The following AKAP17A variants were observed in gnomAD, a reference collection of about 807,000 sequenced individuals.
The protein encoded by AKAP17A is A-kinase anchoring protein 17A, also known as A-kinase anchor protein 17A.
In AKAP17A, 15 loss-of-function variants were observed where a neutral mutation model predicts 52.2. That is an observed-to-expected ratio of 0.29 (90% confidence interval 0.19 to 0.44). The LOEUF is 0.44. AKAP17A is among the 20% of genes least tolerant of loss of function. The pLI is 1.00. For synonymous variants in AKAP17A, 514 were observed against 424.7 expected, an observed-to-expected ratio of 1.21 and a Z score of -2.58; for missense variants, 1,060 against 1,007.0, an observed-to-expected ratio of 1.05 and a Z score of -0.71.
At chrX:1,597,693 C>T (rs1255000345) in intron 3 of AKAP17A, among the ~76,000 whole-genome samples, 2 of 152,084 alleles carry the variant, frequency 1.3e-5, no homozygotes, top group Non-Finnish European at 2.9e-5. Flanking sequence ...TTTCAGAAAG[C>T]AGCTTGCGGG....
In AKAP17A at chrX:1,593,648, C is replaced by T; in HGVS notation, c.186C>T (p.His62=). 6.2e-7 allele frequency: 1 copy of T among 1,613,926 alleles called. No homozygotes were observed. The highest frequency in any genetic ancestry group is 2.2e-5 in the East Asian group (1 of 44,882). ...GGCTGAAGGGCATGGTGCAGAACCA[C>T]CAGTTCTCCACGCTGCGTATTTCCA... The part of the protein sequence containing the change: ...MERLKGMVQN[H]QFSTLRISKS... The change falls in exon 2 of 5, where the codon CAC becomes CAT. Residue 62 remains histidine (H), a synonymous_variant. Transcript: ENST00000313871.
At position 1,602,353 on chromosome X, in the gene AKAP17A, A is replaced by G. The variant is rs1933436048; in HGVS notation, c.*759A>G. 6.6e-6 allele frequency: 1 copy of G among 152,168 alleles called. No individual in the cohort carries two copies. The highest frequency in any genetic ancestry group is 2.4e-5 in the African/African-American group (1 of 41,428). 9.4% of individuals were successfully genotyped at this position (152,168 alleles called of 1,614,324 possible). A position where few individuals can be genotyped will look rare whatever the true frequency, so the allele number is the denominator to read the frequency against. ...TTTTGCTAAATTATTTTTACTTGGA[A>G]TGTTTCAAACAGATTTCAGGCTGCA... On this transcript the variant is annotated 3_prime_UTR_variant, in exon 5 of 5. Transcript: ENST00000313871.
chrX:1,600,023 A>C, intron 4 of AKAP17A: 1 of 584,554 alleles, frequency 1.7e-6, no homozygotes, highest in Non-Finnish European at 2.9e-6. Flanking sequence ...CAGGGCCCAC[A>C]GACAGACAGA....
intron 3 of AKAP17A, among the ~76,000 whole-genome samples, chrX:1,598,278 G>C (rs1444779768): frequency 6.6e-6 from 1 of 152,092 alleles, no homozygotes; most frequent in Non-Finnish European, 1.5e-5. Context: ...GTGGATCACT[G>C]TCTGGGCGTC....
chrX:1,597,507 A>T (rs28394469), intron 3 of AKAP17A, among the ~76,000 whole-genome samples: 1 of 151,930 alleles, frequency 6.6e-6, no homozygotes, highest in South Asian at 2.1e-4. Context: ...TGTGTCAGCC[A>T]CTGTCAGGCC....
rs28548708 is a variant in AKAP17A at position 1,599,041 on chromosome X, T to G, written c.912-151T>G. 0.026 allele frequency: 32,697 copies of G among 1,248,850 alleles called. 3,326 individuals carry two copies. The African/African-American group carries it at 0.28, about 11-fold the overall frequency. The allele number at this position is 1,248,850 out of a possible 1,614,324, so 77.4% of individuals were successfully genotyped here. The stretch of plus-strand genomic sequence containing the variant: ...ACTCCTTCCACCTCTCGGGCTGCTT[T>G]GAGTCAACCGAGGTCCACCTTGGGA... On this transcript the variant is annotated intron_variant, in intron 3 of 4. Coordinates refer to ENST00000313871, the MANE Select transcript of AKAP17A (RefSeq NM_005088.3).
In AKAP17A at chrX:1,600,841, G is replaced by C. The variant is rs1933324358; in HGVS notation, c.1335G>C (p.Lys445Asn). Residue 445 changes from lysine (K) to asparagine (N), a missense_variant, in exon 5 of 5, where the codon AAG (lysine) becomes AAC (asparagine). By Grantham distance (94) the Lys-to-Asn change is moderately conservative. Transcript: ENST00000313871. ...GGCTGCTGAGCATCCTGCTGAGCAAGAAGCCGGACGACAGCCACACACACG... is the reference window on the plus strand; with the variant it reads ...GGCTGCTGAGCATCCTGCTGAGCAACAAGCCGGACGACAGCCACACACACG... ...RERLLSILLSKKPDDSHTHDE... is the reference protein window; with the variant it reads ...RERLLSILLSNKPDDSHTHDE... 1 of 1,591,672 alleles carries C rather than the reference G, an allele frequency of 6.3e-7. No homozygotes were observed. The highest frequency in any genetic ancestry group is 8.5e-7 in the Non-Finnish European group (1 of 1,173,462).
rs368659501 is a variant in AKAP17A at position 1,593,940 on chromosome X, G to T, written c.478G>T (p.Ala160Ser). The change falls in exon 2 of 5, where the codon GCC becomes TCC. Residue 160 changes from alanine to serine, a missense_variant. By Grantham distance (99) the Ala-to-Ser change is moderately conservative (BLOSUM62 1). Coordinates refer to ENST00000313871, the MANE Select transcript of AKAP17A (RefSeq NM_005088.3). ...HLEGLPCKWF[A>S]LKESGSEKPS... Reference sequence around the variant, plus strand: ...GGAGGGGCTGCCCTGCAAGTGGTTCGCCCTGAAGGAGTCGGGCTCCGAGAA... The same window carrying T: ...GGAGGGGCTGCCCTGCAAGTGGTTCTCCCTGAAGGAGTCGGGCTCCGAGAA... 5 of 1,608,076 alleles carry T rather than the reference G, an allele frequency of 3.1e-6. No individual in the cohort carries two copies. The highest frequency in any genetic ancestry group is 1.7e-5 in the Admixed American group (1 of 59,424).
At position 1,593,876 on chromosome X, in the gene AKAP17A, C is replaced by G; in HGVS notation, c.414C>G (p.Asn138Lys). Residue 138 changes from asparagine to lysine, a missense_variant, in exon 2 of 5, where the codon AAC becomes AAG. Asn to Lys is a moderately conservative substitution (Grantham distance 94). Around this residue, in one of 2 missense-constraint regions of AKAP17A, gnomAD observed 267 missense variants for 377.1 expected, o/e 0.71. Transcript: ENST00000313871. ...TCTTCCGCGACGCCAAGGACATGAA[C>G]GAGACCCTGCCGGGGGAGCGGCCGG... is the stretch of plus-strand genomic sequence containing the variant. ...DSFFRDAKDM[N>K]ETLPGERPDT... 8 of 1,612,484 alleles carry G rather than the reference C, an allele frequency of 5.0e-6. No individual in the cohort carries two copies. Among genetic ancestry groups the G allele is most frequent in the Non-Finnish European group, 6.8e-6 (8 of 1,179,030 alleles).
intron 3 of AKAP17A, among the ~76,000 whole-genome samples, chrX:1,598,651 C>T (rs753628743): frequency 1.3e-5 from 2 of 152,152 alleles, no homozygotes; most frequent in Non-Finnish European, 2.9e-5. Flanking sequence ...TTCCTGGACA[C>T]CCCTCTCCAC....
chrX:1,596,242 AAC>A (rs1932972680), intron 3 of AKAP17A, among the ~76,000 whole-genome samples: 1 of 151,318 alleles, frequency 6.6e-6, no homozygotes, highest in Non-Finnish European at 1.5e-5. Context: ...AAAAAAAAAA[AAC>A]AAAAAACCAA....
chrX:1,594,281 A>T, intron 2 of AKAP17A, 57 bp downstream of exon 2: 4 of 1,491,412 alleles, frequency 2.7e-6, no homozygotes, highest in Non-Finnish European at 3.6e-6. Flanking sequence ...ACTTCCTTCC[A>T]GCAGGGTCAG....
At chrX:1,596,004 A>T (rs1932958356) in intron 3 of AKAP17A, among the ~76,000 whole-genome samples, 1 of 152,066 alleles carries the variant, frequency 6.6e-6, no homozygotes, top group Admixed American at 6.6e-5. Context: ...GACGCAGCAG[A>T]ATATGAATGT....
In AKAP17A at chrX:1,601,425, G is replaced by C. The variant is rs142727356; in HGVS notation, c.1919G>C (p.Ser640Thr). ...KDDSPRRRST[S>T]PDHTRSRRSH... is the part of the protein sequence containing the mutation. ...GACAGCCCCCGCCGGCGCAGCACGA[G>C]CCCGGACCACACCCGGTCCCGGAGG... The change falls in exon 5 of 5, where the codon AGC (serine) becomes ACC (threonine). Residue 640 changes from serine (S) to threonine (T), a missense_variant. Ser to Thr is a moderately conservative substitution (Grantham distance 58). Around this residue, in one of 2 missense-constraint regions of AKAP17A, gnomAD observed 793 missense variants for 629.9 expected, o/e 1.26. Coordinates refer to ENST00000313871, the MANE Select transcript of AKAP17A (RefSeq NM_005088.3). 1,002 of 1,571,766 alleles carry C rather than the reference G, an allele frequency of 6.4e-4. 1 individual carries two copies. In the African/African-American group the frequency reaches 0.012, roughly 19 times the overall value.
In AKAP17A at chrX:1,601,392, A is replaced by G. The variant is rs767391074; in HGVS notation, c.1886A>G (p.Tyr629Cys). Residue 629 changes from tyrosine (Y) to cysteine (C), a missense_variant, in exon 5 of 5, where the codon TAC (tyrosine) becomes TGC (cysteine). Physicochemically the swap from Tyr to Cys is radical, Grantham distance 194 (BLOSUM62 -2). Transcript: ENST00000313871. Reference sequence around the variant, plus strand: ...CGGCGGCCCCACAAGAAGCACGCCTACAAGGATGACAGCCCCCGCCGGCGC... The same window carrying G: ...CGGCGGCCCCACAAGAAGCACGCCTGCAAGGATGACAGCCCCCGCCGGCGC... ...KERRPHKKHA[Y>C]KDDSPRRRST... 1.2e-5 allele frequency: 19 copies of G among 1,567,102 alleles called. No individual in the cohort carries two copies. The highest frequency in any genetic ancestry group is 1.6e-5 in the Non-Finnish European group (19 of 1,163,690).
At chrX:1,600,630 G>T in intron 4 of AKAP17A, 29 bp from the exon 5 acceptor site, 1 of 1,506,056 alleles carries the variant, frequency 6.6e-7, no homozygotes. Flanking sequence ...CAGGAACCGG[G>T]CTCAGCTGCA....
At chrX:1,597,878 C>T (rs192586454) in intron 3 of AKAP17A, among the ~76,000 whole-genome samples, 147 of 152,066 alleles carry the variant, frequency 9.7e-4, no homozygotes, top group Admixed American at 2.0e-3. Flanking sequence ...TCCAGAGCCC[C>T]GGGGAGGGGC....
Position 1,595,376 on chromosome X carries a change from T to C in AKAP17A, c.763-8T>C, listed in dbSNP as rs1225430320. ...GAAGGCCATCTGACACTGTTTTTGC[T>C]TTTAAAGGTTTCTTTTGATTCGACC... On this transcript the variant is annotated splice_polypyrimidine_tract_variant and splice_region_variant and intron_variant, in intron 2 of 4. Transcript: ENST00000313871. The C allele has an allele frequency of 6.2e-7, 1 of 1,613,692 alleles. No homozygotes were observed.
In AKAP17A at chrX:1,599,445, T is replaced by G. The variant is rs1326284154; in HGVS notation, c.1152+13T>G. The G allele has an allele frequency of 6.4e-6, 10 of 1,556,208 alleles. No individual in the cohort carries two copies. Among genetic ancestry groups the G allele is most frequent in the Non-Finnish European group, 8.7e-6 (10 of 1,151,050 alleles). Reference sequence around the variant, plus strand: ...CAGCAGAGCCAAGGTACCCGGGGGCTCCCTCTGCAGCCGCCAGCCGCGCCC... The same window carrying G: ...CAGCAGAGCCAAGGTACCCGGGGGCGCCCTCTGCAGCCGCCAGCCGCGCCC... On this transcript the variant is annotated intron_variant, in intron 4 of 4. Coordinates refer to ENST00000313871, the MANE Select transcript of AKAP17A (RefSeq NM_005088.3).
Sources: allele counts gnomAD v4.1 joint callset (sites outside exome capture counted in the v4.1 genomes callset), GRCh38; gene constraint gnomAD v4.1.1; regional missense constraint gnomAD v4.1.1; transcripts MANE v1.5; gene names NCBI Gene and HGNC (gene_info 2026-07-23, HGNC 2026-07-21).